The following PRKG1 variants were observed in gnomAD, a reference collection of about 807,000 sequenced individuals.
PRKG1 encodes the protein cGMP-dependent protein kinase 1.
PRKG1 carries 35 observed loss-of-function variants against 88.1 expected under a neutral mutation model. The observed-to-expected ratio is 0.40, with a 90% CI of 0.30 to 0.53. The LOEUF (loss-of-function observed/expected upper bound fraction) is 0.53. Among genes scored for constraint, PRKG1 ranks in the 20% least tolerant of loss-of-function variants. PRKG1 has a pLI of 0.59. For missense variants in PRKG1, 540 were observed against 839.8 expected (o/e 0.64, Z 4.41); for synonymous variants, 303 against 292.5 (o/e 1.04, Z -0.37).
intron 2 of PRKG1, among the ~76,000 whole-genome samples, chr10:51,461,386 T>A (rs564716509): frequency 5.8e-4 from 89 of 152,264 alleles, no homozygotes; most frequent in African/African-American, 2.1e-3. Flanking sequence ...AACAACATGA[T>A]GGTCTTAGAA....
chr10:51,266,370 C>T (rs1249531833), intron 2 of PRKG1, among the ~76,000 whole-genome samples: 1 of 152,124 alleles, frequency 6.6e-6, no homozygotes, highest in Non-Finnish European at 1.5e-5. Context: ...GTAGCTATTA[C>T]ATTAGACAGA....
At chr10:51,639,572 T>C (rs1839747956) in intron 3 of PRKG1, among the ~76,000 whole-genome samples, 1 of 150,358 alleles carries the variant, frequency 6.7e-6, no homozygotes, top group African/African-American at 2.4e-5. Flanking sequence ...GAAGCCAAAT[T>C]TTAAAACCTA....
intron 3 of PRKG1, among the ~76,000 whole-genome samples, chr10:51,722,315 T>C (rs976735684): frequency 6.6e-6 from 1 of 152,144 alleles, no homozygotes; most frequent in African/African-American, 2.4e-5. Context: ...TGATTTGTAT[T>C]GTTATAATTT....
intron 2 of PRKG1, among the ~76,000 whole-genome samples, chr10:51,191,491 G>T (rs866674845): frequency 2.6e-5 from 4 of 151,784 alleles, no homozygotes; most frequent in Non-Finnish European, 5.9e-5. Flanking sequence ...ATTAGGTGAA[G>T]TTAAACTTAA....
intron 7 of PRKG1, among the ~76,000 whole-genome samples, chr10:52,089,249 A>G (rs935727876): frequency 3.3e-5 from 5 of 152,232 alleles, no homozygotes; most frequent in Non-Finnish European, 2.9e-5. Context: ...TTCAACAACT[A>G]GCAACTAGCA....
rs184779683 is a variant in PRKG1 at position 51,279,348 on chromosome 10, A to G, written c.478+126018A>G. Among the ~76,000 whole-genome samples, 174 of 152,232 alleles carry G rather than the reference A, an allele frequency of 1.1e-3. 1 individual carries two copies. The highest frequency in any genetic ancestry group is 4.0e-3 in the African/African-American group (165 of 41,544). On this transcript the variant is annotated intron_variant, in intron 2 of 17. Coordinates refer to ENST00000373980, the MANE Select transcript of PRKG1 (RefSeq NM_006258.4). Reference sequence around the variant, plus strand: ...TTTGTTATAATTTCTGTTCTTTTTCATTTACTGAGGACTGCTTTATTTCCA... The same window carrying G: ...TTTGTTATAATTTCTGTTCTTTTTCGTTTACTGAGGACTGCTTTATTTCCA...
intron 3 of PRKG1, among the ~76,000 whole-genome samples, chr10:51,739,717 A>G (rs10999175): frequency 0.076 from 11,614 of 152,148 alleles, 487 homozygotes; most frequent in East Asian, 0.089. Context: ...TCATGGCTGT[A>G]ATCACAGCAC....
Position 51,553,676 on chromosome 10 carries a change from A to G in PRKG1, c.592+85840A>G, listed in dbSNP as rs1165711606. On this transcript the variant is annotated intron_variant, in intron 3 of 17. Coordinates refer to ENST00000373980, the MANE Select transcript of PRKG1 (RefSeq NM_006258.4). ...ACTGTGGTTTTCAAGCAAAATTACA[A>G]ACTCCTTGGTTGTGATTATTATATA... Among the ~76,000 whole-genome samples, 3 of 151,000 alleles carry G rather than the reference A, an allele frequency of 2.0e-5. No individual in the cohort carries two copies. In the East Asian group the frequency reaches 5.8e-4, roughly 29 times the overall value.
At chr10:51,944,450 T>G (rs1842980365) in intron 5 of PRKG1, among the ~76,000 whole-genome samples, 2 of 151,998 alleles carry the variant, frequency 1.3e-5, no homozygotes, top group African/African-American at 4.8e-5. Flanking sequence ...GTATCTCTAT[T>G]TCCTTCAGTT....
chr10:51,234,454 G>A (rs1263585691), intron 2 of PRKG1, among the ~76,000 whole-genome samples: 2 of 152,090 alleles, frequency 1.3e-5, no homozygotes, highest in African/African-American at 4.8e-5. Flanking sequence ...AATATTGCTT[G>A]AATACATTTA....
intron 2 of PRKG1, among the ~76,000 whole-genome samples, chr10:51,450,520 G>A (rs993204172): frequency 6.6e-6 from 1 of 151,942 alleles, no homozygotes; most frequent in East Asian, 1.9e-4. Context: ...CTTCTAACAA[G>A]TGCTCCAGCC....
chr10:51,634,002 A>G (rs555904091), intron 3 of PRKG1, among the ~76,000 whole-genome samples: 1 of 152,242 alleles, frequency 6.6e-6, no homozygotes, highest in South Asian at 2.1e-4. Flanking sequence ...AGGATTTAAT[A>G]AAAAATGTTT....
At chr10:51,195,423 T>TTA (rs1475067730) in intron 2 of PRKG1, among the ~76,000 whole-genome samples, 1 of 152,208 alleles carries the variant, frequency 6.6e-6, no homozygotes, top group East Asian at 1.9e-4. Context: ...AGATGAATAA[T>TTA]TACTGGCTCC....
chr10:51,282,278 C>T (rs1840320568), intron 2 of PRKG1, among the ~76,000 whole-genome samples: 1 of 152,072 alleles, frequency 6.6e-6, no homozygotes, highest in Non-Finnish European at 1.5e-5. Context: ...AATTTTGTCC[C>T]ATTGAGCCTG....
chr10:51,241,446 C>T (rs962840396), intron 2 of PRKG1, among the ~76,000 whole-genome samples: 3 of 152,106 alleles, frequency 2.0e-5, no homozygotes, highest in Non-Finnish European at 4.4e-5. Flanking sequence ...CAATTTAAGA[C>T]GAGGAAGCTC....
intron 2 of PRKG1, among the ~76,000 whole-genome samples, chr10:51,259,848 G>A (rs550385767): frequency 3.9e-5 from 6 of 152,204 alleles, no homozygotes; most frequent in African/African-American, 1.4e-4. Flanking sequence ...ATATGGAGGT[G>A]TATCTGTATA....
intron 2 of PRKG1, among the ~76,000 whole-genome samples, chr10:51,157,251 T>C (rs1846238160): frequency 6.6e-6 from 1 of 151,976 alleles, no homozygotes; most frequent in South Asian, 2.1e-4. Flanking sequence ...TGCTTTCAGA[T>C]ACTTAAAAGT....
At chr10:51,164,558 C>G (rs1340468588) in intron 2 of PRKG1, among the ~76,000 whole-genome samples, 3 of 152,070 alleles carry the variant, frequency 2.0e-5, no homozygotes, top group African/African-American at 4.8e-5. Context: ...GAATGACTTT[C>G]ACGAGTTGAG....
chr10:51,511,648 A>G (rs1176446671), intron 3 of PRKG1, among the ~76,000 whole-genome samples: 1 of 152,218 alleles, frequency 6.6e-6, no homozygotes, highest in Non-Finnish European at 1.5e-5. Flanking sequence ...TATCAGTAAC[A>G]CTACAATGGT....
Sources: allele counts gnomAD v4.1 joint callset (sites outside exome capture counted in the v4.1 genomes callset), GRCh38; gene constraint gnomAD v4.1.1; transcripts MANE v1.5; gene names NCBI Gene and HGNC (gene_info 2026-07-23, HGNC 2026-07-21).